The following SRGAP3 variants were observed in gnomAD, a reference collection of about 807,000 sequenced individuals.
SRGAP3 encodes SLIT-ROBO Rho GTPase-activating protein 3.
In SRGAP3, 39 loss-of-function variants were observed where a neutral mutation model predicts 121.1. The observed-to-expected ratio is 0.32, with a 90% CI of 0.25 to 0.42. The LOEUF (loss-of-function observed/expected upper bound fraction) is 0.42. Among genes scored for constraint, SRGAP3 ranks in the 10% least tolerant of loss-of-function variants. The pLI is 1.00. For synonymous variants in SRGAP3, 601 were observed against 570.0 expected, an observed-to-expected ratio of 1.05 and a Z score of -0.77; for missense variants, 1,213 against 1,470.6, an observed-to-expected ratio of 0.82 and a Z score of 2.86.
chr3:8,982,995 A>G lies in SRGAP3; in HGVS notation c.*2524T>C, dbSNP rs1941499952. The G allele has an allele frequency of 4.4e-6, 1 of 229,014 alleles. No individual in the cohort carries two copies. The highest frequency in any genetic ancestry group is 1.8e-4 in the South Asian group (1 of 5,492). 14.2% of individuals were successfully genotyped at this position (229,014 alleles called of 1,614,324 possible). A position where few individuals can be genotyped will look rare whatever the true frequency, so the allele number is the denominator to read the frequency against. Reference sequence around the variant, plus strand: ...TGATTGGTGTTATGTATATCAGGCAACAGATTTTTCTACTCTGATTGTTGC... The same window carrying G: ...TGATTGGTGTTATGTATATCAGGCAGCAGATTTTTCTACTCTGATTGTTGC... On this transcript the variant is annotated 3_prime_UTR_variant, in exon 22 of 22. Coordinates refer to ENST00000383836, the MANE Select transcript of SRGAP3 (RefSeq NM_014850.4).
chr3:9,230,529 T>C (rs1162707), intron 1 of SRGAP3, among the ~76,000 whole-genome samples: 20,905 of 152,128 alleles, frequency 0.14, 1,548 homozygotes, highest in South Asian at 0.2. Context: ...CTAATGGTGC[T>C]ACCTGATTGG....
chr3:9,354,178 T>C (rs986123216), intron 1 of SRGAP3, among the ~76,000 whole-genome samples: 12 of 152,220 alleles, frequency 7.9e-5, no homozygotes, highest in Admixed American at 2.6e-4. Context: ...TCAAGTACCA[T>C]AACAAAGTCC....
At chr3:9,299,315 C>T (rs1463282944) in intron 3 of SRGAP3, among the ~76,000 whole-genome samples, 5 of 147,114 alleles carry the variant, frequency 3.4e-5, no homozygotes, top group African/African-American at 7.5e-5. Flanking sequence ...GAGCCAAGAT[C>T]GCGCCACTGC....
rs36096507 is a variant in SRGAP3 at position 9,286,986 on chromosome 3, C to CTTTTTTTTTTTTTTTTTTTTTTTTT, written n.442+39023_442+39024insAAAAAAAAAAAAAAAAAAAAAAAAA. On this transcript the variant is annotated intron_variant and non_coding_transcript_variant, in intron 3 of 3. Coordinates refer to the SRGAP3 transcript ENST00000490889. ...TTTGCCTTGTCCACACACTGACACT[C>CTTTTTTTTTTTTTTTTTTTTTTTTT]TTTTTTTTTTTTTTTTTTTTTTTGG... is the stretch of plus-strand genomic sequence containing the variant. 2.5e-5 allele frequency among the ~76,000 whole-genome samples: 2 copies of CTTTTTTTTTTTTTTTTTTTTTTTTT among 79,094 alleles called. 1 individual carries two copies. The allele number at this position is 79,094 out of a possible 152,430, so 51.9% of individuals were successfully genotyped here.
At chr3:9,187,746 G>T (rs1027446386) in intron 1 of SRGAP3, among the ~76,000 whole-genome samples, 6 of 152,086 alleles carry the variant, frequency 3.9e-5, no homozygotes, top group Admixed American at 1.3e-4. Context: ...ATCCACCAGG[G>T]TCTTACCCTC....
At chr3:8,995,236 C>T (rs1225315532) in intron 18 of SRGAP3, among the ~76,000 whole-genome samples, 1 of 152,164 alleles carries the variant, frequency 6.6e-6, no homozygotes, top group African/African-American at 2.4e-5. Context: ...CTTCGGGAGG[C>T]TGAGGCAGGA....
At chr3:9,163,241 C>T (rs1158150750) in intron 1 of SRGAP3, among the ~76,000 whole-genome samples, 1 of 152,242 alleles carries the variant, frequency 6.6e-6, no homozygotes, top group Non-Finnish European at 1.5e-5. Context: ...AAACCCAACA[C>T]AGGCATCAGC....
intron 8 of SRGAP3, among the ~76,000 whole-genome samples, chr3:9,054,272 C>G (rs1363382826): frequency 6.6e-6 from 1 of 152,184 alleles, no homozygotes; most frequent in Non-Finnish European, 1.5e-5. Context: ...TTTGGAATTA[C>G]TGTTAGAACA....
intron 3 of SRGAP3, among the ~76,000 whole-genome samples, chr3:9,323,243 G>A (rs1955465558): frequency 6.6e-6 from 1 of 151,900 alleles, no homozygotes; most frequent in Non-Finnish European, 1.5e-5. Context: ...TCTGTATCTT[G>A]ACTGTGGTGA....
chr3:9,117,636 G>A (rs931319008), intron 2 of SRGAP3, among the ~76,000 whole-genome samples: 6 of 152,134 alleles, frequency 3.9e-5, no homozygotes, highest in Non-Finnish European at 7.3e-5. Context: ...TTTTCATCAG[G>A]TACAGCTCCT....
intron 20 of SRGAP3, chr3:8,992,678 C>T: frequency 1.6e-6 from 1 of 642,714 alleles, no homozygotes; most frequent in Non-Finnish European, 2.7e-6. Flanking sequence ...CACTGGGTTC[C>T]CAACACATGT....
rs199922051 is a variant in SRGAP3, at chr3:9,045,188, CT to C, written c.1408+2202del. Among the ~76,000 whole-genome samples, 107 of 104,530 alleles carry C rather than the reference CT, an allele frequency of 1.0e-3. 2 individuals are homozygous for C. The highest frequency in any genetic ancestry group is 3.3e-3 in the African/African-American group (97 of 29,346). The allele number at this position is 104,530 out of a possible 152,430, so 68.6% of individuals were successfully genotyped here. A position where few individuals can be genotyped will look rare whatever the true frequency, so the allele number is the denominator to read the frequency against. ...AAACTGTTTTAAAAGAGAAAGTTTA[CT>C]TTAAAAAAAAAAAAAAAAAACTTCT... On this transcript the variant is annotated intron_variant, in intron 10 of 21. Transcript: ENST00000383836.
chr3:9,095,072 C>A (rs1451955465), intron 3 of SRGAP3, among the ~76,000 whole-genome samples: 2 of 152,060 alleles, frequency 1.3e-5, no homozygotes, highest in Non-Finnish European at 2.9e-5. Flanking sequence ...CAGACCATAT[C>A]CGGCCTAAAT....
chr3:9,238,102 C>T (rs1953481341), intron 1 of SRGAP3, among the ~76,000 whole-genome samples: 1 of 152,164 alleles, frequency 6.6e-6, no homozygotes, highest in Non-Finnish European at 1.5e-5. Flanking sequence ...AGAACAGCAC[C>T]TTCAACCACA....
intron 3 of SRGAP3, among the ~76,000 whole-genome samples, chr3:9,316,510 T>A (rs540519572): frequency 4.0e-4 from 61 of 152,098 alleles, no homozygotes; most frequent in African/African-American, 1.4e-3. Context: ...TACAAAAAAA[T>A]TAGCTGGGCA....
At chr3:9,148,190 G>C (rs1031267828) in intron 1 of SRGAP3, among the ~76,000 whole-genome samples, 2 of 152,196 alleles carry the variant, frequency 1.3e-5, no homozygotes, top group Non-Finnish European at 2.9e-5. Context: ...AGGATAAAGG[G>C]ATGAGGGCGG....
chr3:9,055,102 T>C (rs1295518020), intron 8 of SRGAP3, among the ~76,000 whole-genome samples: 2 of 152,228 alleles, frequency 1.3e-5, no homozygotes, highest in Non-Finnish European at 2.9e-5. Flanking sequence ...AAACACTCTG[T>C]TCATCTCCTG....
At chr3:8,988,835 T>G (rs1941875813) in intron 21 of SRGAP3, among the ~76,000 whole-genome samples, 3 of 152,118 alleles carry the variant, frequency 2.0e-5, no homozygotes, top group Admixed American at 1.3e-4. Flanking sequence ...ACATGCGCAG[T>G]TCACAACAGG....
Position 8,990,781 on chromosome 3 carries a change from G to A in SRGAP3, c.2617C>T (p.His873Tyr), listed in dbSNP as rs376598069. ...IPRRRSGGDT[H>Y]SPPRGLGPSI... Reference sequence around the variant, plus strand: ...GGGCCCAGGCCCCGGGGCGGGCTGTGTGTGTCGCCCCCGCTTCGGCGTCTG... The same window carrying A: ...GGGCCCAGGCCCCGGGGCGGGCTGTATGTGTCGCCCCCGCTTCGGCGTCTG... The change falls in exon 21 of 22, where the codon CAC becomes TAC. Residue 873 changes from histidine to tyrosine, a missense_variant. This residue lies in a region of SRGAP3 where 420 missense variants were observed against 437.7 expected (regional missense o/e 0.96). Transcript: ENST00000383836. 13 of 1,599,004 alleles carry A rather than the reference G, an allele frequency of 8.1e-6. No individual in the cohort carries two copies. The highest frequency in any genetic ancestry group is 1.0e-5 in the Non-Finnish European group (12 of 1,172,746).
Sources: gnomAD v4.1 joint callset for allele counts (sites outside exome capture counted in the v4.1 genomes callset) on GRCh38, gnomAD v4.1.1 for gene constraint, gnomAD v4.1.1 regional missense constraint, MANE v1.5 for transcripts, NCBI Gene and HGNC (gene_info 2026-07-23, HGNC 2026-07-21) for gene names.